Variants in PCDHGB2 observed in about 807,000 individuals in gnomAD.
PCDHGB2 encodes the protein protocadherin gamma-B2.
A neutral mutation model predicts 59.3 loss-of-function variants in PCDHGB2; 55 were observed. The observed-to-expected ratio is 0.93, with a 90% confidence interval of 0.75 to 1.16. PCDHGB2 has a LOEUF of 1.16. Ranked by LOEUF, PCDHGB2 falls within the 50% of genes most tolerant of loss-of-function variation. PCDHGB2 has a pLI of 0.00. For synonymous variants in PCDHGB2, 516 were observed against 512.0 expected (o/e 1.01, Z -0.11); for missense variants, 1,228 against 1,198.5 (o/e 1.02, Z -0.36).
chr5:141,462,183 C>A (rs1439465872), intron 1 of PCDHGB2, among the ~76,000 whole-genome samples: 1 of 152,158 alleles, frequency 6.6e-6, no homozygotes. Flanking sequence ...TGGTCTTGAA[C>A]TCCTGACCTC....
intron 1 of PCDHGB2, chr5:141,384,170 C>A: frequency 6.2e-7 from 1 of 1,613,736 alleles, no homozygotes; most frequent in Non-Finnish European, 8.5e-7. Flanking sequence ...ACACTGAAAG[C>A]CACAGATGGT....
intron 1 of PCDHGB2, chr5:141,403,454 C>T: frequency 6.2e-7 from 1 of 1,614,054 alleles, no homozygotes; most frequent in Non-Finnish European, 8.5e-7. Context: ...GAACTCCCTC[C>T]AGAGCTACCA....
At position 141,413,736 on chromosome 5, in the gene PCDHGB2, G is replaced by A. The variant is rs189162146; in HGVS notation, c.2421+51180G>A. The A allele has an allele frequency of 1.9e-4, 309 of 1,613,452 alleles. No individual in the cohort carries two copies. In the African/African-American group the frequency reaches 3.0e-3, roughly 16 times the overall value. On this transcript the variant is annotated intron_variant, in intron 1 of 3. Coordinates refer to ENST00000522605, the MANE Select transcript of PCDHGB2 (RefSeq NM_018923.3). Reference sequence around the variant, plus strand: ...ATAAGCACTTCTCCCTAAGAGTTCAGAGCCGTGCCAATGGCGTCAAGTACC... The same window carrying A: ...ATAAGCACTTCTCCCTAAGAGTTCAAAGCCGTGCCAATGGCGTCAAGTACC...
intron 1 of PCDHGB2, chr5:141,441,810 C>T (rs2098275091): frequency 6.4e-5 from 24 of 372,574 alleles, no homozygotes; most frequent in Middle Eastern, 7.2e-4. Flanking sequence ...GGTGCTGTAC[C>T]CCAGCTCTGG....
chr5:141,413,555 T>C (rs1270604020), intron 1 of PCDHGB2: 1 of 1,613,852 alleles, frequency 6.2e-7, no homozygotes. Flanking sequence ...GAAATAGAAG[T>C]AACTGATATC....
chr5:141,449,256 A>C (rs929920180), intron 1 of PCDHGB2, among the ~76,000 whole-genome samples: 5 of 152,176 alleles, frequency 3.3e-5, no homozygotes, highest in Non-Finnish European at 5.9e-5. Context: ...CAAGAATTGT[A>C]CAAAGAACTG....
intron 1 of PCDHGB2, among the ~76,000 whole-genome samples, chr5:141,472,862 T>C (rs770564770): frequency 1.3e-5 from 2 of 150,322 alleles, no homozygotes; most frequent in South Asian, 4.2e-4. Flanking sequence ...GGCACATGCC[T>C]GTATTCCCAG....
intron 1 of PCDHGB2, chr5:141,403,422 C>T (rs749764130): frequency 6.2e-7 from 1 of 1,613,912 alleles, no homozygotes; most frequent in Admixed American, 1.7e-5. Flanking sequence ...CTTCCAGAAG[C>T]TATTGATCCG....
At chr5:141,421,474 G>T (rs1320526226) in intron 1 of PCDHGB2, 3 of 1,614,014 alleles carry the variant, frequency 1.9e-6, no homozygotes, top group African/African-American at 2.7e-5. Flanking sequence ...TCCGCGAAGC[G>T]GCAGCTTGAT....
rs1284989963 is a variant in PCDHGB2 at position 141,419,134 on chromosome 5, A to T, written c.2421+56578A>T. On this transcript the variant is annotated intron_variant, in intron 1 of 3. Transcript: ENST00000522605. ...AGTACAACGTCACCATCGCAGCCAC[A>T]GACAGGGGCAAGCCTCCGTTATCCT... is the stretch of plus-strand genomic sequence containing the variant. 2.5e-6 allele frequency: 4 copies of T among 1,613,826 alleles called. No individual in the cohort carries two copies. In the African/African-American group the frequency reaches 5.3e-5, roughly 22 times the overall value.
chr5:141,508,269 C>T (rs1459186158), intron 3 of PCDHGB2: 1 of 152,186 alleles, frequency 6.6e-6, no homozygotes, highest in East Asian at 1.9e-4. Flanking sequence ...GAGAAAATCC[C>T]GGTCCTTGAC....
rs767197233 is a variant in PCDHGB2, at chr5:141,418,642, C to T, written c.2421+56086C>T. On this transcript the variant is annotated intron_variant, in intron 1 of 3. Coordinates refer to ENST00000522605, the MANE Select transcript of PCDHGB2 (RefSeq NM_018923.3). ...AAGACGTGCCTCCAGGCACCTCCAT[C>T]CTGAGAGTGAAGGCCACTGACCAGG... The T allele has an allele frequency of 2.3e-5, 37 of 1,614,028 alleles. No individual in the cohort carries two copies. In the South Asian group the frequency reaches 3.6e-4, roughly 16 times the overall value.
At position 141,431,052 on chromosome 5, in the gene PCDHGB2, G is replaced by T. The variant is rs148326556; in HGVS notation, c.2422-63755G>T. 7.4e-6 allele frequency: 12 copies of T among 1,614,110 alleles called. No homozygotes were observed. The African/African-American group carries it at 1.6e-4, about 22-fold the overall frequency. On this transcript the variant is annotated intron_variant, in intron 1 of 3. Coordinates refer to ENST00000522605, the MANE Select transcript of PCDHGB2 (RefSeq NM_018923.3). The surrounding 1 kb of genome is among the most constrained non-coding windows in gnomAD (Gnocchi z 4.8). ...ATAGACCGGGAGGAGCTCTGTATGG[G>T]GGCCATCAAGTGTCAATTAAATCTA...
intron 1 of PCDHGB2, chr5:141,428,129 C>T (rs1449809875): frequency 1.2e-6 from 2 of 1,603,336 alleles, no homozygotes; most frequent in Non-Finnish European, 1.7e-6. Context: ...CCGGGCTTTT[C>T]AGCCTGGGGC....
chr5:141,436,383 G>A (rs1374382672), intron 1 of PCDHGB2, among the ~76,000 whole-genome samples: 1 of 152,104 alleles, frequency 6.6e-6, no homozygotes, highest in Admixed American at 6.5e-5. Flanking sequence ...AGCTGAATAG[G>A]CTTTATTAAA....
rs2091498902 is a variant in PCDHGB2 at position 141,388,801 on chromosome 5, A to G, written c.2421+26245A>G. The G allele has an allele frequency of 1.9e-6, 3 of 1,613,940 alleles. No homozygotes were observed. The East Asian group carries it at 6.7e-5, about 36-fold the overall frequency. On this transcript the variant is annotated intron_variant, in intron 1 of 3. Coordinates refer to ENST00000522605, the MANE Select transcript of PCDHGB2 (RefSeq NM_018923.3). Reference sequence around the variant, plus strand: ...GAAATTACTGTTTTAAATACATTAGATTTTGAAGAAGTCAAAGAATATTCC... The same window carrying G: ...GAAATTACTGTTTTAAATACATTAGGTTTTGAAGAAGTCAAAGAATATTCC...
At chr5:141,460,981 GTGTATA>G (rs1450537646) in intron 1 of PCDHGB2, among the ~76,000 whole-genome samples, 10 of 121,882 alleles carry the variant, frequency 8.2e-5, no homozygotes, top group African/African-American at 3.1e-4. Flanking sequence ...GTGTGTGTGT[GTGTATA>G]TATATATATG....
chr5:141,484,949 A>C, intron 1 of PCDHGB2: 1 of 557,400 alleles, frequency 1.8e-6, no homozygotes, highest in Non-Finnish European at 3.2e-6. Context: ...TGCTCAGCCT[A>C]TTGGCTGAGC....
intron 1 of PCDHGB2, chr5:141,409,818 C>G (rs1027344375): frequency 3.7e-6 from 6 of 1,610,800 alleles, no homozygotes; most frequent in African/African-American, 1.3e-5. Flanking sequence ...GACCACGGCT[C>G]GCCCACGCTC....
Sources: gnomAD v4.1 joint callset for allele counts (sites outside exome capture counted in the v4.1 genomes callset) on GRCh38, gnomAD v4.1.1 for gene constraint, Gnocchi (gnomAD v3.1) non-coding constraint, MANE v1.5 for transcripts, NCBI Gene and HGNC (gene_info 2026-07-23, HGNC 2026-07-21) for gene names.